PLCL1: variants seen among roughly 807,000 people sequenced by gnomAD.
The protein encoded by PLCL1 is inactive phospholipase C-like protein 1.
Under a neutral mutation model 84.4 loss-of-function variants are expected in PLCL1, and 41 were observed. The observed-to-expected ratio is 0.49, with a 90% CI of 0.38 to 0.63. The LOEUF (loss-of-function observed/expected upper bound fraction) is 0.63. Among genes scored for constraint, PLCL1 ranks in the 30% least tolerant of loss-of-function variants. PLCL1 has a pLI of 0.00. For synonymous variants in PLCL1, 490 were observed against 488.3 expected (o/e 1.00, Z -0.05); for missense variants, 1,206 against 1,367.8 (o/e 0.88, Z 1.87).
At chr2:197,958,283 C>T (rs779558817) in intron 1 of PLCL1, among the ~76,000 whole-genome samples, 1 of 151,872 alleles carries the variant, frequency 6.6e-6, no homozygotes, top group East Asian at 1.9e-4. Flanking sequence ...AATCTTTTGG[C>T]TTCCCTGGTC....
intron 1 of PLCL1, among the ~76,000 whole-genome samples, chr2:198,064,771 T>C (rs1692283811): frequency 1.3e-5 from 2 of 152,186 alleles, no homozygotes; most frequent in Non-Finnish European, 2.9e-5. Flanking sequence ...TGACTGTACT[T>C]CTTCTATAGG....
At chr2:198,016,741 T>G (rs996677081) in intron 1 of PLCL1, among the ~76,000 whole-genome samples, 2 of 152,240 alleles carry the variant, frequency 1.3e-5, no homozygotes, top group Admixed American at 6.5e-5. Flanking sequence ...AACTTGAGGT[T>G]ACAAAGCTCA....
chr2:197,988,083 T>C (rs1235341533), intron 1 of PLCL1, among the ~76,000 whole-genome samples: 2 of 152,146 alleles, frequency 1.3e-5, no homozygotes, highest in African/African-American at 2.4e-5. Flanking sequence ...GATGAGTGGA[T>C]GCAGGAGTGG....
chr2:197,819,884 A>G (rs1036920374), intron 1 of PLCL1, among the ~76,000 whole-genome samples: 48 of 140,662 alleles, frequency 3.4e-4, no homozygotes, highest in African/African-American at 1.1e-3. Flanking sequence ...ACTATTATGC[A>G]TGTGTGTGTG....
chr2:198,043,910 C>T (rs1449492147), intron 1 of PLCL1, among the ~76,000 whole-genome samples: 2 of 124,068 alleles, frequency 1.6e-5, no homozygotes, highest in South Asian at 2.7e-4. Context: ...AAATGAGAGG[C>T]TAATTTGTCA....
At chr2:198,015,380 AT>A (rs886807663) in intron 1 of PLCL1, among the ~76,000 whole-genome samples, 1 of 152,146 alleles carries the variant, frequency 6.6e-6, no homozygotes, top group Non-Finnish European at 1.5e-5. Flanking sequence ...CATAAGGCAC[AT>A]TTTTTCCACA....
At chr2:198,046,146 T>C (rs527528942) in intron 1 of PLCL1, among the ~76,000 whole-genome samples, 30 of 152,306 alleles carry the variant, frequency 2.0e-4, no homozygotes, top group African/African-American at 7.0e-4. Context: ...TAATCATTTG[T>C]TTATGTATTG....
intron 1 of PLCL1, among the ~76,000 whole-genome samples, chr2:197,920,717 A>G (rs1164164308): frequency 6.6e-6 from 1 of 152,250 alleles, no homozygotes; most frequent in Non-Finnish European, 1.5e-5. Flanking sequence ...TATATATAGA[A>G]CTAAGGGTGA....
At chr2:197,937,743 A>G (rs1274284665) in intron 1 of PLCL1, among the ~76,000 whole-genome samples, 1 of 152,234 alleles carries the variant, frequency 6.6e-6, no homozygotes, top group Non-Finnish European at 1.5e-5. Context: ...ACACAGCTAC[A>G]ATGAAAGATT....
At chr2:198,014,161 A>G (rs139371020) in intron 1 of PLCL1, among the ~76,000 whole-genome samples, 55 of 152,282 alleles carry the variant, frequency 3.6e-4, no homozygotes, top group South Asian at 6.2e-4. Flanking sequence ...TAATACAAGG[A>G]ACTGGTGTGC....
At chr2:198,068,456 A>G (rs949243403) in intron 1 of PLCL1, among the ~76,000 whole-genome samples, 1 of 152,224 alleles carries the variant, frequency 6.6e-6, no homozygotes, top group African/African-American at 2.4e-5. Context: ...TTTCTACATC[A>G]TGGGATTCAC....
intron 1 of PLCL1, among the ~76,000 whole-genome samples, chr2:197,884,112 A>G (rs1357614977): frequency 6.6e-6 from 1 of 152,186 alleles, no homozygotes; most frequent in Non-Finnish European, 1.5e-5. Flanking sequence ...TTGTGTCAGG[A>G]CTCAAAATAA....
At chr2:197,989,401 T>C (rs371822205) in intron 1 of PLCL1, among the ~76,000 whole-genome samples, 2 of 152,094 alleles carry the variant, frequency 1.3e-5, no homozygotes, top group Non-Finnish European at 2.9e-5. Flanking sequence ...TTCTGAGGGA[T>C]GAGGACCAGG....
chr2:198,119,218 G>C (rs1216550092), intron 5 of PLCL1, among the ~76,000 whole-genome samples: 1 of 136,158 alleles, frequency 7.3e-6, no homozygotes, highest in Non-Finnish European at 1.7e-5. Context: ...CATCCTTCTT[G>C]TGTAAGAAAA....
At chr2:197,981,053 C>T (rs1396159763) in intron 1 of PLCL1, among the ~76,000 whole-genome samples, 1 of 152,130 alleles carries the variant, frequency 6.6e-6, no homozygotes, top group Non-Finnish European at 1.5e-5. Flanking sequence ...TCTAATAAAA[C>T]CTTCTTCTTT....
rs150843395 is a variant in PLCL1, at chr2:197,932,738, G to T, written c.240+127399G>T. Among the ~76,000 whole-genome samples, 310 of 152,240 alleles carry T rather than the reference G, an allele frequency of 2.0e-3. 1 individual carries two copies. Among genetic ancestry groups the T allele is most frequent in the African/African-American group, 6.8e-3 (284 of 41,546 alleles). The stretch of plus-strand genomic sequence containing the variant: ...TACTATGCACAAGACACTATTCCAG[G>T]TATTGCAGGAATTAAAAGGTAAGTG... On this transcript the variant is annotated intron_variant, in intron 1 of 5. Transcript: ENST00000428675.
At position 197,890,452 on chromosome 2, in the gene PLCL1, C is replaced by T. The variant is rs116948379; in HGVS notation, c.240+85113C>T. ...GTCCTTGGAAGGAGAATAAATGAAG[C>T]CATCATTTACTGTAACAGCATTTAT... On this transcript the variant is annotated intron_variant, in intron 1 of 5. Transcript: ENST00000428675. Among the ~76,000 whole-genome samples, 395 of 151,812 alleles carry T rather than the reference C, an allele frequency of 2.6e-3. 7 individuals are homozygous for T. Among genetic ancestry groups the T allele is most frequent in the East Asian group, 0.018 (95 of 5,172 alleles).
chr2:197,968,341 C>T (rs1689789512), intron 1 of PLCL1, among the ~76,000 whole-genome samples: 1 of 152,112 alleles, frequency 6.6e-6, no homozygotes, highest in Non-Finnish European at 1.5e-5. Context: ...TCATTCCTAG[C>T]AAGGTGAATG....
chr2:198,005,848 T>C (rs541514881), intron 1 of PLCL1, among the ~76,000 whole-genome samples: 1 of 152,362 alleles, frequency 6.6e-6, no homozygotes, highest in East Asian at 1.9e-4. Context: ...GGACTTCTTT[T>C]TAGCTGAGCA....
Sources: gnomAD v4.1 joint callset for allele counts (sites outside exome capture counted in the v4.1 genomes callset) on GRCh38, gnomAD v4.1.1 for gene constraint, MANE v1.5 for transcripts, NCBI Gene and HGNC (gene_info 2026-07-23, HGNC 2026-07-21) for gene names.